The following ADAMTS10 variants were observed in gnomAD, a reference collection of about 807,000 sequenced individuals.
ADAMTS10 encodes A disintegrin and metalloproteinase with thrombospondin motifs 10.
ADAMTS10 carries 48 observed loss-of-function variants against 135.9 expected under a neutral mutation model. The observed-to-expected ratio is 0.35, with a 90% CI of 0.28 to 0.45. The LOEUF is 0.45. ADAMTS10 is among the 20% of genes least tolerant of loss of function. The pLI is 1.00. For synonymous variants in ADAMTS10, 621 were observed against 647.5 expected (o/e 0.96, Z 0.62); for missense variants, 1,131 against 1,565.2 (o/e 0.72, Z 4.68).
intron 13 of ADAMTS10, 79 bp downstream of exon 13, chr19:8,592,669 AGATAATAGGCCGAAG>A: frequency 8.0e-7 from 1 of 1,256,184 alleles, no homozygotes; most frequent in South Asian, 1.3e-5. Context: ...GGGAGGGAGC[AGATAATAGGCCGAAG>A]GACAGGCGGG....
rs1019520226 is a variant in ADAMTS10 at position 8,601,753 on chromosome 19, A to G, written c.593-608T>C. 6.6e-6 allele frequency among the ~76,000 whole-genome samples: 1 copy of G among 152,028 alleles called. No individual in the cohort carries two copies. The highest frequency in any genetic ancestry group is 2.4e-5 in the African/African-American group (1 of 41,400). ...CCTGAGAATATTGTAGTCTACCATG[A>G]TGTCACTGTCCCTCTGCCAAACTGT... On this transcript the variant is annotated intron_variant, in intron 5 of 25. Transcript: ENST00000597188. The surrounding 1 kb of genome is among the most constrained non-coding windows in gnomAD (Gnocchi z 4.6).
At chr19:8,584,743 G>A in intron 25 of ADAMTS10, 152 bp downstream of exon 25, 1 of 1,150,464 alleles carries the variant, frequency 8.7e-7, no homozygotes, top group African/African-American at 1.5e-5. Context: ...AATGCTTGCA[G>A]GGAGGGGATG....
rs1399299904 is a variant in ADAMTS10 at position 8,584,141 on chromosome 19, C to T, written c.3202+754G>A. The stretch of plus-strand genomic sequence containing the variant: ...CACTGCACTCCAGCCTGGGTGACAG[C>T]GAGACTCCATCTCAAAAAAAAAAAA... On this transcript the variant is annotated intron_variant, in intron 25 of 25. Coordinates refer to ENST00000597188, the MANE Select transcript of ADAMTS10 (RefSeq NM_030957.4). Among the ~76,000 whole-genome samples the T allele has an allele frequency of 4.3e-5, 5 of 116,132 alleles. No individual in the cohort carries two copies. The East Asian group carries it at 7.3e-4, about 17-fold the overall frequency. 76.2% of individuals were successfully genotyped at this position (116,132 alleles called of 152,430 possible).
chr19:8,592,216 G>C, intron 13 of ADAMTS10, 113 bp from the exon 14 acceptor site: 6 of 1,555,000 alleles, frequency 3.9e-6, no homozygotes, highest in Non-Finnish European at 5.2e-6. Flanking sequence ...TCCGGGATGG[G>C]CAGAGGCGGG....
intron 2 of ADAMTS10, among the ~76,000 whole-genome samples, chr19:8,606,253 G>C (rs2042720941): frequency 6.6e-6 from 1 of 152,064 alleles, no homozygotes; most frequent in Non-Finnish European, 1.5e-5. Context: ...GGAGAGACGG[G>C]GGTCTCACTT....
chr19:8,606,051 C>T (rs983676783), intron 2 of ADAMTS10, among the ~76,000 whole-genome samples: 2 of 152,312 alleles, frequency 1.3e-5, no homozygotes, highest in Non-Finnish European at 2.9e-5. Flanking sequence ...CTAGTTTTCA[C>T]ACCACTGCAT....
rs533546253 is a variant in ADAMTS10, at chr19:8,596,942, A to G, written c.1040+45T>C. 5.1e-5 allele frequency: 82 copies of G among 1,606,926 alleles called. No homozygotes were observed. In the South Asian group the frequency reaches 8.6e-4, roughly 17 times the overall value. ...TTGGACTCTCATGGTTCCCTGGACCATCTGTTTTCTCAGCCCCAGTCCTAG... is the reference window on the plus strand; with the variant it reads ...TTGGACTCTCATGGTTCCCTGGACCGTCTGTTTTCTCAGCCCCAGTCCTAG... On this transcript the variant is annotated intron_variant, in intron 8 of 25. Transcript: ENST00000597188. The surrounding 1 kb of genome is among the most constrained non-coding windows in gnomAD (Gnocchi z 7.2).
At position 8,585,379 on chromosome 19, in the gene ADAMTS10, T is replaced by A. The variant is rs144048693; in HGVS notation, c.2866-71A>T. On this transcript the variant is annotated intron_variant, in intron 23 of 25. Coordinates refer to ENST00000597188, the MANE Select transcript of ADAMTS10 (RefSeq NM_030957.4). ...CGAAGTGAGGAGGGGACAGCTAACC[T>A]GGAGACCGCGCAGAGGCGTCTCCGT... 3,236 of 1,535,250 alleles carry A rather than the reference T, an allele frequency of 2.1e-3. 23 individuals carry two copies. Among genetic ancestry groups the A allele is most frequent in the South Asian group, 8.7e-3 (735 of 84,002 alleles).
intron 6 of ADAMTS10, among the ~76,000 whole-genome samples, chr19:8,598,339 G>A (rs1440017083): frequency 4.6e-5 from 7 of 151,464 alleles, no homozygotes; most frequent in Admixed American, 4.0e-4. Context: ...GTCCAGAGGC[G>A]ACCTGAGGGA....
Position 8,589,284 on chromosome 19 carries a change from C to T in ADAMTS10, c.2116G>A (p.Glu706Lys), listed in dbSNP as rs782349617. The T allele has an allele frequency of 3.3e-5, 54 of 1,612,422 alleles. No homozygotes were observed. The highest frequency in any genetic ancestry group is 2.0e-4 in the South Asian group (18 of 91,084). The change falls in exon 18 of 26, where the codon GAG becomes AAG. Residue 706 changes from glutamate to lysine, a missense_variant. This residue lies in a region of ADAMTS10 where 745 missense variants were observed against 1,056.3 expected (regional missense o/e 0.71). Transcript: ENST00000597188. ...RVCGGDGSAC[E>K]TIEGVFSPAS... The stretch of plus-strand genomic sequence containing the variant: ...GGGCTGAAGACGCCCTCGATGGTCT[C>T]GCAGGCACTGCCGTCACCGCCACAC...
intron 6 of ADAMTS10, among the ~76,000 whole-genome samples, chr19:8,599,620 C>T (rs576138368): frequency 9.2e-5 from 14 of 151,910 alleles, no homozygotes; most frequent in Middle Eastern, 3.4e-3. Context: ...TGTGAGCCAC[C>T]GTGCCCAGCC....
chr19:8,593,523 C>G (rs1445102657), intron 12 of ADAMTS10: 1 of 153,190 alleles, frequency 6.5e-6, no homozygotes, highest in Non-Finnish European at 1.5e-5. Context: ...CGAGTTAGGT[C>G]TGTGTGGGAC....
rs782201031 is a variant in ADAMTS10, at chr19:8,580,905, G to A, written c.3300C>T (p.Cys1100=). 2.5e-5 allele frequency: 40 copies of A among 1,610,476 alleles called. No individual in the cohort carries two copies. Among genetic ancestry groups the A allele is most frequent in the Non-Finnish European group, 3.4e-5 (40 of 1,178,532 alleles). ...AYFRQMCCKT[C]HGH Reference sequence around the variant, plus strand: ...TGCCGCGCGCCCCCTAGTGGCCATGGCAGGTTTTGCAGCACATCTGGCGGA... The same window carrying A: ...TGCCGCGCGCCCCCTAGTGGCCATGACAGGTTTTGCAGCACATCTGGCGGA... Residue 1100 remains cysteine, a synonymous_variant, in exon 26 of 26, where the codon TGC becomes TGT. Coordinates refer to ENST00000597188, the MANE Select transcript of ADAMTS10 (RefSeq NM_030957.4).
At chr19:8,595,946 A>G (rs1555740045) in intron 11 of ADAMTS10, 43 bp from the exon 12 acceptor site, 1 of 1,614,020 alleles carries the variant, frequency 6.2e-7, no homozygotes, top group African/African-American at 1.3e-5. Context: ...GTGGCTGCAA[A>G]TCAAGAGCTC....
chr19:8,587,013 A>T, intron 18 of ADAMTS10, 117 bp from the exon 19 acceptor site: 1 of 1,060,242 alleles, frequency 9.4e-7, no homozygotes, highest in Non-Finnish European at 1.4e-6. Context: ...CACACATCTA[A>T]CTGCACCCCT....
intron 7 of ADAMTS10, 25 bp downstream of exon 7, chr19:8,597,209 G>C: frequency 6.2e-7 from 1 of 1,614,144 alleles, no homozygotes. Flanking sequence ...GAAGGGGAAG[G>C]GGAAGGGGAG....
rs569091316 is a variant in ADAMTS10, at chr19:8,590,732, T to A, written c.1798-741A>T. On this transcript the variant is annotated intron_variant, in intron 15 of 25. Coordinates refer to ENST00000597188, the MANE Select transcript of ADAMTS10 (RefSeq NM_030957.4). ...GCCTCGGCCTCCCAAAGTGCTGGGATTGCAGGCATGAGCCACCTCATCCGG... is the reference window on the plus strand; with the variant it reads ...GCCTCGGCCTCCCAAAGTGCTGGGAATGCAGGCATGAGCCACCTCATCCGG... Among the ~76,000 whole-genome samples, 24 of 152,268 alleles carry A rather than the reference T, an allele frequency of 1.6e-4. No homozygotes were observed. The East Asian group carries it at 4.4e-3, about 28-fold the overall frequency.
rs1403565772 is a variant in ADAMTS10 at position 8,596,714 on chromosome 19, T to C, written c.1041-129A>G. On this transcript the variant is annotated intron_variant, in intron 8 of 25. Coordinates refer to ENST00000597188, the MANE Select transcript of ADAMTS10 (RefSeq NM_030957.4). The surrounding 1 kb of genome is among the most constrained non-coding windows in gnomAD (Gnocchi z 7.2). ...CATCTGCCTCTCACCTGAAGCTGCA[T>C]ACAGGAGTGACTGACCACATGAATG... The C allele has an allele frequency of 8.2e-7, 1 of 1,215,044 alleles. No individual in the cohort carries two copies. Among genetic ancestry groups the C allele is most frequent in the Non-Finnish European group, 1.2e-6 (1 of 856,610 alleles). The allele number at this position is 1,215,044 out of a possible 1,614,324, so 75.3% of individuals were successfully genotyped here.
chr19:8,585,471 G>T lies in ADAMTS10; in HGVS notation c.2850C>A (p.Ala950=). The change falls in exon 23 of 26, where the codon GCC becomes GCA. Residue 950 remains alanine (A), a synonymous_variant. Coordinates refer to ENST00000597188, the MANE Select transcript of ADAMTS10 (RefSeq NM_030957.4). The part of the protein sequence containing the change: ...HGPTCPPEWA[A]LDWSECTPSC... ...GGCGGCTGACCTCAGACCAGTCGAGGGCCGCCCACTCCGGAGGGCAAGTGG... is the reference window on the plus strand; with the variant it reads ...GGCGGCTGACCTCAGACCAGTCGAGTGCCGCCCACTCCGGAGGGCAAGTGG... The T allele has an allele frequency of 6.5e-7, 1 of 1,536,374 alleles. No homozygotes were observed.
Sources: allele counts gnomAD v4.1 joint callset (sites outside exome capture counted in the v4.1 genomes callset), GRCh38; gene constraint gnomAD v4.1.1; regional missense constraint gnomAD v4.1.1; non-coding constraint Gnocchi (gnomAD v3.1); transcripts MANE v1.5; gene names NCBI Gene and HGNC (gene_info 2026-07-23, HGNC 2026-07-21).